Variants in DACH1 observed in about 807,000 individuals in gnomAD.
The protein encoded by DACH1 is dachshund family transcription factor 1.
DACH1 carries 12 observed loss-of-function variants against 54.2 expected under a neutral mutation model. That is an observed-to-expected ratio of 0.22 (90% confidence interval 0.14 to 0.36). The LOEUF (loss-of-function observed/expected upper bound fraction) is 0.36, where lower values mean the gene tolerates loss of function less well. Ranked by LOEUF, DACH1 falls within the 10% of genes least tolerant of loss-of-function variation. The pLI is 1.00. For synonymous variants in DACH1, 386 were observed against 366.2 expected (o/e 1.05, Z -0.62); for missense variants, 805 against 929.8 (o/e 0.87, Z 1.75).
chr13:71,734,979 G>GGA (rs1288940299), intron 1 of DACH1, among the ~76,000 whole-genome samples: 3 of 68,912 alleles, frequency 4.4e-5, no homozygotes, highest in African/African-American at 5.9e-5. Flanking sequence ...TACACACACA[G>GGA]GATATATATA....
At chr13:71,762,166 T>C (rs1407285260) in intron 1 of DACH1, among the ~76,000 whole-genome samples, 1 of 152,110 alleles carries the variant, frequency 6.6e-6, no homozygotes, top group Non-Finnish European at 1.5e-5. Context: ...GAGTCAAGTA[T>C]TGTATACAAA....
At chr13:71,749,265 G>C (rs570895258) in intron 1 of DACH1, among the ~76,000 whole-genome samples, 1 of 151,968 alleles carries the variant, frequency 6.6e-6, no homozygotes, top group Non-Finnish European at 1.5e-5. Flanking sequence ...TTACAGACTT[G>C]AGCCACTTTG....
At position 71,561,455 on chromosome 13, in the gene DACH1, A is replaced by T. The variant is rs187881325; in HGVS notation, c.1300-1500T>A. On this transcript the variant is annotated intron_variant, in intron 4 of 10. Transcript: ENST00000613252. ...AGATAGGAGGGAAGAATGTCATGTG[A>T]CCATAGAGGAAGAGATTAAACTTGT... 7.8e-4 allele frequency among the ~76,000 whole-genome samples: 119 copies of T among 152,256 alleles called. 1 individual carries two copies. The highest frequency in any genetic ancestry group is 7.9e-4 in the Non-Finnish European group (54 of 68,022).
At chr13:71,781,580 G>A (rs377668828) in intron 1 of DACH1, among the ~76,000 whole-genome samples, 54 of 151,836 alleles carry the variant, frequency 3.6e-4, no homozygotes, top group African/African-American at 7.0e-4. Context: ...GGGTTTCACC[G>A]TGTTAGCCAG....
intron 1 of DACH1, among the ~76,000 whole-genome samples, chr13:71,779,530 T>TA (rs34330316): frequency 6.6e-6 from 1 of 151,936 alleles, no homozygotes; most frequent in Non-Finnish European, 1.5e-5. Flanking sequence ...TTTTTGCTTG[T>TA]AAAAAGTACT....
chr13:71,820,126 A>AAAG (rs1888127709), intron 1 of DACH1, among the ~76,000 whole-genome samples: 1 of 150,994 alleles, frequency 6.6e-6, no homozygotes, highest in Non-Finnish European at 1.5e-5. Flanking sequence ...AAAAAAAAAA[A>AAAG]AAGAATAGGG....
chr13:71,493,930 T>C (rs911176550), intron 6 of DACH1, among the ~76,000 whole-genome samples: 1 of 152,148 alleles, frequency 6.6e-6, no homozygotes, highest in East Asian at 1.9e-4. Flanking sequence ...AGTTATTAAT[T>C]ACTTAGGTTT....
chr13:71,767,400 A>G (rs1165790289), intron 1 of DACH1, among the ~76,000 whole-genome samples: 4 of 152,102 alleles, frequency 2.6e-5, no homozygotes, highest in Non-Finnish European at 5.9e-5. Context: ...GAGAATCTGA[A>G]TGACCACATA....
intron 1 of DACH1, among the ~76,000 whole-genome samples, chr13:71,738,731 C>CAAAAAAAAAAAAAAA (rs34856567): frequency 4.2e-5 from 1 of 24,070 alleles, no homozygotes; most frequent in African/African-American, 8.6e-5. Context: ...GACTCTGTCT[C>CAAAAAAAAAAAAAAA]AAAAAAAAAA....
chr13:71,571,429 T>C (rs1885188794), intron 4 of DACH1, among the ~76,000 whole-genome samples: 1 of 152,188 alleles, frequency 6.6e-6, no homozygotes, highest in Admixed American at 6.6e-5. Flanking sequence ...AACAATACGG[T>C]GATATCTTGC....
chr13:71,735,039 G>A (rs1883952315), intron 1 of DACH1, among the ~76,000 whole-genome samples: 1 of 149,448 alleles, frequency 6.7e-6, no homozygotes, highest in Admixed American at 6.7e-5. Context: ...ATATATATAT[G>A]GGATATACGT....
At chr13:71,775,949 T>C (rs1886044122) in intron 1 of DACH1, among the ~76,000 whole-genome samples, 1 of 152,150 alleles carries the variant, frequency 6.6e-6, no homozygotes, top group Non-Finnish European at 1.5e-5. Context: ...TTTAGTTTTA[T>C]TGGTTACTAA....
At chr13:71,723,533 T>A (rs1216327798) in intron 1 of DACH1, among the ~76,000 whole-genome samples, 1 of 152,200 alleles carries the variant, frequency 6.6e-6, no homozygotes, top group Admixed American at 6.5e-5. Context: ...ACCTGAACAG[T>A]AATATTAAAA....
chr13:71,507,917 T>TA (rs929739890), intron 6 of DACH1, among the ~76,000 whole-genome samples: 2 of 152,190 alleles, frequency 1.3e-5, no homozygotes, highest in Non-Finnish European at 2.9e-5. Flanking sequence ...CAATTAAACA[T>TA]AAAAATTCTA....
At chr13:71,561,722 G>A (rs1342653702) in intron 4 of DACH1, among the ~76,000 whole-genome samples, 3 of 151,894 alleles carry the variant, frequency 2.0e-5, no homozygotes, top group Non-Finnish European at 4.4e-5. Flanking sequence ...CCCAGACTTC[G>A]GTATCTTTTT....
At chr13:71,826,689 C>T (rs1219995357) in intron 1 of DACH1, among the ~76,000 whole-genome samples, 1 of 152,084 alleles carries the variant, frequency 6.6e-6, no homozygotes, top group Non-Finnish European at 1.5e-5. Flanking sequence ...CATACCTACA[C>T]ATATAAAAGG....
At chr13:71,821,991 G>C (rs1003063603) in intron 1 of DACH1, among the ~76,000 whole-genome samples, 1 of 151,978 alleles carries the variant, frequency 6.6e-6, no homozygotes, top group Non-Finnish European at 1.5e-5. Flanking sequence ...AACCCGAAAG[G>C]CAGAGGTTGC....
intron 5 of DACH1, among the ~76,000 whole-genome samples, chr13:71,558,473 G>A (rs1032566641): frequency 4.0e-5 from 6 of 151,812 alleles, no homozygotes; most frequent in Non-Finnish European, 7.4e-5. Flanking sequence ...TAACATGAAT[G>A]TATAACAAAA....
intron 1 of DACH1, among the ~76,000 whole-genome samples, chr13:71,815,190 C>T (rs1251638688): frequency 6.6e-6 from 1 of 152,146 alleles, no homozygotes. Context: ...TTTAATTACA[C>T]TTTGTATAAC....
Sources: allele counts gnomAD v4.1 joint callset (sites outside exome capture counted in the v4.1 genomes callset), GRCh38; gene constraint gnomAD v4.1.1; transcripts MANE v1.5; gene names NCBI Gene and HGNC (gene_info 2026-07-23, HGNC 2026-07-21).